The following ZNF148 variants were observed in gnomAD, a reference collection of about 807,000 sequenced individuals.
The protein encoded by ZNF148 is Beta-Enolase Repressor Factor-1.
In ZNF148, 7 loss-of-function variants were observed where a neutral mutation model predicts 67.7. The observed-to-expected ratio is 0.10, with a 90% CI of 0.06 to 0.19. The LOEUF (loss-of-function observed/expected upper bound fraction) is 0.19. Among genes scored for constraint, ZNF148 ranks in the 10% least tolerant of loss-of-function variants. ZNF148 has a pLI of 1.00. For missense variants in ZNF148, 583 were observed against 947.1 expected (o/e 0.62, Z 5.05); for synonymous variants, 333 against 330.7 (o/e 1.01, Z -0.08).
intron 7 of ZNF148, among the ~76,000 whole-genome samples, chr3:125,239,457 T>C (rs1003404846): frequency 1.3e-5 from 2 of 152,006 alleles, no homozygotes; most frequent in African/African-American, 4.8e-5. Context: ...GAAATATAAA[T>C]CAAAACCACA....
chr3:125,344,783 A>T, intron 1 of ZNF148: 1 of 467,882 alleles, frequency 2.1e-6, no homozygotes. Flanking sequence ...CTAGAACTTC[A>T]TAGTAATCCA....
chr3:125,337,016 CAAA>C (rs1296364662), intron 1 of ZNF148, among the ~76,000 whole-genome samples: 3 of 115,364 alleles, frequency 2.6e-5, no homozygotes, highest in Admixed American at 9.5e-5. Flanking sequence ...TCTACTCTCA[CAAA>C]AAAAAAAAAA....
chr3:125,240,911 A>G (rs547385105), intron 7 of ZNF148, among the ~76,000 whole-genome samples: 25 of 152,340 alleles, frequency 1.6e-4, no homozygotes, highest in Admixed American at 1.3e-3. Context: ...TAACTCAGTC[A>G]AAAATGAATG....
rs141167020 is a variant in ZNF148, at chr3:125,313,522, C to G, written c.119G>C (p.Gly40Ala). The G allele has an allele frequency of 6.4e-4, 1,031 of 1,614,158 alleles. 2 individuals are homozygous for G. The highest frequency in any genetic ancestry group is 2.5e-3 in the Middle Eastern group (15 of 6,062). Residue 40 changes from glycine to alanine, a missense_variant, in exon 4 of 9, where the codon GGA becomes GCA. Gly to Ala is a moderately conservative substitution (Grantham distance 60). Around this residue, in one of 5 missense-constraint regions of ZNF148, gnomAD observed 150 missense variants for 202.5 expected, o/e 0.74. Coordinates refer to ENST00000360647, the MANE Select transcript of ZNF148 (RefSeq NM_021964.3). ...GGVSGQSTVS[G>A]ELQDSVLQDR... ...TTGAAGTACTGAATCCTGTAGCTCT[C>G]CAGACACAGTAGACTGGCCAGACAC...
rs140240228 is a variant in ZNF148 at position 125,288,338 on chromosome 3, A to G, written c.334-110T>C. 1.7e-3 allele frequency: 1,882 copies of G among 1,111,486 alleles called. 1 individual carries two copies. Among genetic ancestry groups the G allele is most frequent in the Non-Finnish European group, 2.1e-3 (1,639 of 795,258 alleles). 68.9% of individuals were successfully genotyped at this position (1,111,486 alleles called of 1,614,324 possible). ...AAACCCACATACAGGTGCTTCCAGA[A>G]TGATGATCTATGTGTGTGTGTCCTA... is the stretch of plus-strand genomic sequence containing the variant. On this transcript the variant is annotated intron_variant, in intron 4 of 8. Coordinates refer to ENST00000360647, the MANE Select transcript of ZNF148 (RefSeq NM_021964.3).
chr3:125,349,480 G>A (rs1559774904), intron 1 of ZNF148, among the ~76,000 whole-genome samples: 1 of 152,140 alleles, frequency 6.6e-6, no homozygotes, highest in East Asian at 1.9e-4. Context: ...ATAAGCAGAT[G>A]CTCACCATCA....
intron 7 of ZNF148, among the ~76,000 whole-genome samples, chr3:125,237,352 T>C (rs925004560): frequency 6.6e-6 from 1 of 152,054 alleles, no homozygotes; most frequent in African/African-American, 2.4e-5. Context: ...GAGGCTGTGG[T>C]GGGTGAACTG....
chr3:125,326,793 GATATCTTTTTATATATGTAAAGATAT>G (rs1191231705), intron 2 of ZNF148, among the ~76,000 whole-genome samples: 1 of 144,188 alleles, frequency 6.9e-6, no homozygotes, highest in Non-Finnish European at 1.5e-5. Flanking sequence ...CATACATCAA[GATATCTTTTTATATATGTAAAGATAT>G]ATATCTTTTT....
At chr3:125,372,037 C>A (rs1378869206) in intron 1 of ZNF148, among the ~76,000 whole-genome samples, 1 of 149,096 alleles carries the variant, frequency 6.7e-6, no homozygotes, top group African/African-American at 2.5e-5. Context: ...GCACTCTAGC[C>A]TGGGTGACAG....
At chr3:125,371,372 A>AGGGGGG (rs59807253) in intron 1 of ZNF148, among the ~76,000 whole-genome samples, 6 of 65,360 alleles carry the variant, frequency 9.2e-5, no homozygotes, top group African/African-American at 1.3e-4. Flanking sequence ...AAAAAAAAAA[A>AGGGGGG]GGGGGGGGGG....
intron 4 of ZNF148, among the ~76,000 whole-genome samples, chr3:125,289,404 C>A (rs759186354): frequency 2.0e-5 from 3 of 152,120 alleles, no homozygotes; most frequent in Non-Finnish European, 2.9e-5. Context: ...AAATCAAGAA[C>A]CCTGGCACAA....
At chr3:125,341,999 CG>C (rs1272075666) in intron 1 of ZNF148, among the ~76,000 whole-genome samples, 14 of 138,916 alleles carry the variant, frequency 1.0e-4, no homozygotes, top group South Asian at 4.8e-4. Flanking sequence ...TGTTTCGGGG[CG>C]GGGGGGGGAA....
chr3:125,354,103 ATT>A (rs1942257907), intron 1 of ZNF148, among the ~76,000 whole-genome samples: 1 of 151,986 alleles, frequency 6.6e-6, no homozygotes, highest in African/African-American at 2.4e-5. Flanking sequence ...TCTTGATTCC[ATT>A]TTTCTTTATG....
chr3:125,358,575 T>A (rs899428085), intron 1 of ZNF148, among the ~76,000 whole-genome samples: 2 of 152,180 alleles, frequency 1.3e-5, no homozygotes, highest in African/African-American at 4.8e-5. Context: ...TACAGAAAAA[T>A]CTGTTTCCTA....
At chr3:125,252,357 T>TA (rs374138677) in intron 7 of ZNF148, among the ~76,000 whole-genome samples, 9 of 100,068 alleles carry the variant, frequency 9.0e-5, no homozygotes, top group East Asian at 5.9e-4. Flanking sequence ...GTTTCATTAT[T>TA]AAAAAAAAAG....
At chr3:125,296,997 A>G (rs539313548) in intron 4 of ZNF148, among the ~76,000 whole-genome samples, 2 of 152,082 alleles carry the variant, frequency 1.3e-5, no homozygotes, top group Non-Finnish European at 2.9e-5. Context: ...TAGCAATGGT[A>G]TGTCAAGAGC....
intron 7 of ZNF148, among the ~76,000 whole-genome samples, chr3:125,234,544 G>A (rs1161328771): frequency 2.0e-5 from 3 of 152,106 alleles, no homozygotes; most frequent in Non-Finnish European, 2.9e-5. Context: ...CTGTCTTTTT[G>A]TTATGTGCGT....
chr3:125,305,393 T>C (rs1165613367), intron 4 of ZNF148, among the ~76,000 whole-genome samples: 1 of 152,170 alleles, frequency 6.6e-6, no homozygotes, highest in Non-Finnish European at 1.5e-5. Context: ...AACATGACAA[T>C]TAAATTCAAC....
At chr3:125,329,340 TAAAATTTTAC>T (rs1941175055) in intron 2 of ZNF148, among the ~76,000 whole-genome samples, 1 of 10,976 alleles carries the variant, frequency 9.1e-5, no homozygotes, top group African/African-American at 6.9e-4. Context: ...TATATATATA[TAAAATTTTAC>T]ATATATAAAA....
Sources: gnomAD v4.1 joint callset for allele counts (sites outside exome capture counted in the v4.1 genomes callset) on GRCh38, gnomAD v4.1.1 for gene constraint, gnomAD v4.1.1 regional missense constraint, MANE v1.5 for transcripts, NCBI Gene and HGNC (gene_info 2026-07-23, HGNC 2026-07-21) for gene names.